Variants in CYP7A1 observed in about 807,000 individuals in gnomAD.
The protein encoded by CYP7A1 is cytochrome P450 7A1.
In CYP7A1, 28 loss-of-function variants were observed where a neutral mutation model predicts 43.8. The observed-to-expected ratio is 0.64, with a 90% CI of 0.47 to 0.88. The LOEUF is 0.88. CYP7A1 is among the 40% of genes least tolerant of loss of function. The probability of loss-of-function intolerance (pLI) is 0.00; values close to 1 mark genes in which losing one functional copy is unlikely to be tolerated. For synonymous variants in CYP7A1, 227 were observed against 222.5 expected (o/e 1.02, Z -0.18); for missense variants, 637 against 611.9 (o/e 1.04, Z -0.43).
chr8:58,492,475 T>C lies in CYP7A1; in HGVS notation c.1093A>G (p.Thr365Ala). The C allele has an allele frequency of 1.2e-6, 2 of 1,614,044 alleles. No individual in the cohort carries two copies. Among genetic ancestry groups the C allele is most frequent in the Non-Finnish European group, 1.7e-6 (2 of 1,179,946 alleles). ...RLSSASLNIRTAKEDFTLHLE... is the reference protein window; with the variant it reads ...RLSSASLNIRAAKEDFTLHLE... Reference sequence around the variant, plus strand: ...TGCAAAGTGAAATCCTCCTTAGCTGTCCGGATGTTGAGGGAGGCACTGGAA... The same window carrying C: ...TGCAAAGTGAAATCCTCCTTAGCTGCCCGGATGTTGAGGGAGGCACTGGAA... The change falls in exon 5 of 6, where the codon ACA becomes GCA. Residue 365 changes from threonine to alanine, a missense_variant. By Grantham distance (58) the Thr-to-Ala change is moderately conservative. Coordinates refer to ENST00000301645, the MANE Select transcript of CYP7A1 (RefSeq NM_000780.4).
chr8:58,495,215 T>TTCTA lies in CYP7A1; in HGVS notation c.909-580_909-579insTAGA, dbSNP rs369276545. 3.0e-4 allele frequency among the ~76,000 whole-genome samples: 43 copies of TTCTA among 143,438 alleles called. 2 individuals are homozygous for TTCTA. The highest frequency in any genetic ancestry group is 4.4e-4 in the Non-Finnish European group (29 of 66,372). The allele number at this position is 143,438 out of a possible 152,430, so 94.1% of individuals were successfully genotyped here. ...ACTTTGGTGAGGGCTTTTATTTTAT[T>TTCTA]TTTATTTATTTATTTATTTATTTAT... On this transcript the variant is annotated intron_variant, in intron 3 of 5. Transcript: ENST00000301645.
rs558718775 is a variant in CYP7A1, at chr8:58,496,891, G to A, written c.621C>T (p.Asp207=). 3.1e-6 allele frequency: 5 copies of A among 1,614,222 alleles called. No homozygotes were observed. In the South Asian group the frequency reaches 5.5e-5, roughly 18 times the overall value. ...AGACTTTGTCGAATTGCTTGAAGTT[G>A]TCAAGATTGTTTAGAATATGTGCTT... ...TQKAHILNNL[D]NFKQFDKVFP... Residue 207 remains aspartate, a synonymous_variant, in exon 3 of 6, where the codon GAC becomes GAT. Transcript: ENST00000301645.
At chr8:58,494,836 GC>G (rs1809413414) in intron 3 of CYP7A1, among the ~76,000 whole-genome samples, 200 bp from the exon 4 acceptor site, 1 of 152,210 alleles carries the variant, frequency 6.6e-6, no homozygotes, top group African/African-American at 2.4e-5. Context: ...AAGAATTGTT[GC>G]CTTAAAATGA....
chr8:58,498,893 A>G (rs1809489638), intron 1 of CYP7A1, among the ~76,000 whole-genome samples: 1 of 152,196 alleles, frequency 6.6e-6, no homozygotes, highest in South Asian at 2.1e-4. Context: ...TATTTTCTTT[A>G]AAGACACAGA....
rs1319004357 is a variant in CYP7A1 at position 58,491,645 on chromosome 8, A to T, written c.1345T>A (p.Phe449Ile). 6.2e-7 allele frequency: 1 copy of T among 1,614,114 alleles called. No individual in the cohort carries two copies. Among genetic ancestry groups the T allele is most frequent in the African/African-American group, 1.3e-5 (1 of 74,942 alleles). The change falls in exon 6 of 6, where the codon TTC becomes ATC. Residue 449 changes from phenylalanine to isoleucine, a missense_variant. Phe to Ile is a conservative substitution (Grantham distance 21). Coordinates refer to ENST00000301645, the MANE Select transcript of CYP7A1 (RefSeq NM_000780.4). ...SGATICPGRL[F>I]AIHEIKQFLI... ...AATTGCTTGATTTCGTGGATAGCGA[A>T]CAATCTTCCAGGACATATTGTAGCT...
chr8:58,496,643 G>T lies in CYP7A1; in HGVS notation c.869C>A (p.Thr290Asn). Reference sequence around the variant, plus strand: ...TAAACTCCAGAAAGTCGCTGGAATGGTGTTTGCTTGCGATGCCCAGAGGAC... The same window carrying T: ...TAAACTCCAGAAAGTCGCTGGAATGTTGTTTGCTTGCGATGCCCAGAGGAC... ...LVVLWASQANTIPATFWSLFQ... is the reference protein window; with the variant it reads ...LVVLWASQANNIPATFWSLFQ... The change falls in exon 3 of 6, where the codon ACC becomes AAC. Residue 290 changes from threonine (T) to asparagine (N), a missense_variant. Physicochemically the swap from Thr to Asn is moderately conservative, Grantham distance 65. Transcript: ENST00000301645. 1.4e-5 allele frequency: 22 copies of T among 1,614,124 alleles called. No homozygotes were observed. Among genetic ancestry groups the T allele is most frequent in the Non-Finnish European group, 1.9e-5 (22 of 1,179,984 alleles).
At position 58,491,482 on chromosome 8, in the gene CYP7A1, T is replaced by C. The variant is rs1192340088; in HGVS notation, c.1508A>G (p.His503Arg). The part of the protein sequence containing the change: ...NDIEFKYKFK[H>R]L ...CTTATTCCAGCCATGTATTCACAAA[T>C]GCTTGAATTTATATTTAAATTCAAT... Residue 503 changes from histidine (H) to arginine (R), a missense_variant, in exon 6 of 6, where the codon CAT becomes CGT. Transcript: ENST00000301645. 1 of 1,613,910 alleles carries C rather than the reference T, an allele frequency of 6.2e-7. No homozygotes were observed. The highest frequency in any genetic ancestry group is 1.7e-5 in the Admixed American group (1 of 60,016).
At chr8:58,493,441 A>C (rs932165167) in intron 4 of CYP7A1, among the ~76,000 whole-genome samples, 1 of 152,218 alleles carries the variant, frequency 6.6e-6, no homozygotes, top group Non-Finnish European at 1.5e-5. Context: ...CCAACCTGAA[A>C]ATGGCTGAAA....
At position 58,491,542 on chromosome 8, in the gene CYP7A1, C is replaced by G. The variant is rs201171633; in HGVS notation, c.1448G>C (p.Arg483Pro). Residue 483 changes from arginine (R) to proline (P), a missense_variant, in exon 6 of 6, where the codon CGG (arginine) becomes CCG (proline). By Grantham distance (103) the Arg-to-Pro change is moderately radical (BLOSUM62 -2). Transcript: ENST00000301645. Reference sequence around the variant, plus strand: ...TGGCGGCAAAATGCCCAAGCCTGCCCGGGACTGGTCCAAAGGTGGACATTT... The same window carrying G: ...TGGCGGCAAAATGCCCAAGCCTGCCGGGGACTGGTCCAAAGGTGGACATTT... ...QAKCPPLDQSRAGLGILPPLN... is the reference protein window; with the variant it reads ...QAKCPPLDQSPAGLGILPPLN... 1.9e-5 allele frequency: 31 copies of G among 1,613,988 alleles called. No homozygotes were observed. The highest frequency in any genetic ancestry group is 2.6e-5 in the Non-Finnish European group (31 of 1,180,044).
chr8:58,498,106 C>T (rs1438816336), intron 2 of CYP7A1, 123 bp downstream of exon 2: 1 of 1,082,832 alleles, frequency 9.2e-7, no homozygotes, highest in African/African-American at 1.6e-5. Flanking sequence ...AGAATCTCCA[C>T]ATAAGGATAA....
At chr8:58,492,791 G>A (rs1809372808) in intron 4 of CYP7A1, among the ~76,000 whole-genome samples, 1 of 152,050 alleles carries the variant, frequency 6.6e-6, no homozygotes, top group African/African-American at 2.4e-5. Flanking sequence ...TTTAGCCAGG[G>A]TCTCATTCTG....
Position 58,492,637 on chromosome 8 carries a change from A to C in CYP7A1, c.1040-109T>G, listed in dbSNP as rs1023258217. 14 of 882,726 alleles carry C rather than the reference A, an allele frequency of 1.6e-5. No homozygotes were observed. In the Admixed American group the frequency reaches 2.5e-4, roughly 16 times the overall value. The allele number at this position is 882,726 out of a possible 1,614,324, so 54.7% of individuals were successfully genotyped here. On this transcript the variant is annotated intron_variant, in intron 4 of 5. Transcript: ENST00000301645. ...TCATATGATATAGAGTCTGAACTAC[A>C]GACAGCCTGGCAGTGCATAACACAA... is the stretch of plus-strand genomic sequence containing the variant.
At position 58,491,692 on chromosome 8, in the gene CYP7A1, T is replaced by G; in HGVS notation, c.1298A>C (p.Tyr433Ser). 6.2e-7 allele frequency: 1 copy of G among 1,613,790 alleles called. No individual in the cohort carries two copies. The highest frequency in any genetic ancestry group is 8.5e-7 in the Non-Finnish European group (1 of 1,179,658). Residue 433 changes from tyrosine (Y) to serine (S), a missense_variant, in exon 6 of 6, where the codon TAC (tyrosine) becomes TCC (serine). Transcript: ENST00000301645. ...FYCNGLKLKYYYMPFGSGATI... is the reference protein window; with the variant it reads ...FYCNGLKLKYSYMPFGSGATI... ...AGCTCCCGATCCAAAGGGCATGTAG[T>G]AATACTTTAACTTGAGTCCATTACA... is the stretch of plus-strand genomic sequence containing the variant.
chr8:58,498,599 G>T, intron 1 of CYP7A1, 130 bp from the exon 2 acceptor site: 2 of 927,212 alleles, frequency 2.2e-6, no homozygotes, highest in Non-Finnish European at 3.4e-6. Context: ...TTCTTTTGTT[G>T]GATGGGCCCT....
rs201341987 is a variant in CYP7A1, at chr8:58,491,686, A to G, written c.1304T>C (p.Met435Thr). 37 of 1,613,894 alleles carry G rather than the reference A, an allele frequency of 2.3e-5. No homozygotes were observed. In the East Asian group the frequency reaches 5.3e-4, roughly 23 times the overall value. Residue 435 changes from methionine (M) to threonine (T), a missense_variant, in exon 6 of 6, where the codon ATG (methionine) becomes ACG (threonine). Transcript: ENST00000301645. ...TATTGTAGCTCCCGATCCAAAGGGC[A>G]TGTAGTAATACTTTAACTTGAGTCC... ...CNGLKLKYYY[M>T]PFGSGATICP...
In CYP7A1 at chr8:58,496,888, G is replaced by A. The variant is rs1809451773; in HGVS notation, c.624C>T (p.Asn208=). Residue 208 remains asparagine, a synonymous_variant, in exon 3 of 6, where the codon AAC becomes AAT. Transcript: ENST00000301645. ...QKAHILNNLD[N]FKQFDKVFPA... is the part of the protein sequence containing the mutation. ...GAAAGACTTTGTCGAATTGCTTGAA[G>A]TTGTCAAGATTGTTTAGAATATGTG... is the stretch of plus-strand genomic sequence containing the variant. 6.2e-7 allele frequency: 1 copy of A among 1,614,236 alleles called. No individual in the cohort carries two copies. The highest frequency in any genetic ancestry group is 8.5e-7 in the Non-Finnish European group (1 of 1,180,044).
At position 58,497,021 on chromosome 8, in the gene CYP7A1, G is replaced by A. The variant is rs1351261361; in HGVS notation, c.491C>T (p.Ala164Val). 1 of 1,611,758 alleles carries A rather than the reference G, an allele frequency of 6.2e-7. No homozygotes were observed. The highest frequency in any genetic ancestry group is 1.3e-5 in the African/African-American group (1 of 75,054). Residue 164 changes from alanine (A) to valine (V), a missense_variant, in exon 3 of 6, where the codon GCT (alanine) becomes GTT (valine). Coordinates refer to ENST00000301645, the MANE Select transcript of CYP7A1 (RefSeq NM_000780.4). Reference sequence around the variant, plus strand: ...ATACATCCCTTCTGTCACCCAGGCAGCGGTCTTTGAGTTAGAGGAGACTGG... The same window carrying A: ...ATACATCCCTTCTGTCACCCAGGCAACGGTCTTTGAGTTAGAGGAGACTGG... ...RPPVSSNSKT[A>V]AWVTEGMYSF...
intron 5 of CYP7A1, 70 bp from the exon 6 acceptor site, chr8:58,491,844 G>A (rs556332714): frequency 7.6e-7 from 1 of 1,322,982 alleles, no homozygotes; most frequent in African/African-American, 1.5e-5. Flanking sequence ...TCTAAACCTG[G>A]AAGCTCCAAA....
At chr8:58,499,246 T>C (rs1199928529) in intron 1 of CYP7A1, among the ~76,000 whole-genome samples, 1 of 152,182 alleles carries the variant, frequency 6.6e-6, no homozygotes, top group Admixed American at 6.5e-5. Context: ...TGAAAGAAAC[T>C]GCAAAAGGCA....
Sources: allele counts gnomAD v4.1 joint callset (sites outside exome capture counted in the v4.1 genomes callset), GRCh38; gene constraint gnomAD v4.1.1; transcripts MANE v1.5; gene names NCBI Gene and HGNC (gene_info 2026-07-23, HGNC 2026-07-21).